Variants in SCAPER observed in about 807,000 individuals in gnomAD.
SCAPER encodes S-phase cyclin A associated protein in the ER, also known as S phase cyclin A-associated protein in the endoplasmic reticulum.
Under a neutral mutation model 182.2 loss-of-function variants are expected in SCAPER, and 98 were observed. The ratio of observed to expected loss-of-function variants is 0.54; its 90% CI spans 0.46 to 0.64. The LOEUF (loss-of-function observed/expected upper bound fraction) is 0.64. Ranked by LOEUF, SCAPER falls within the 30% of genes least tolerant of loss-of-function variation. SCAPER has a pLI of 0.00. For missense variants in SCAPER, 1,432 were observed against 1,690.0 expected (o/e 0.85, Z 2.68); for synonymous variants, 605 against 564.6 (o/e 1.07, Z -1.01).
intron 2 of SCAPER, among the ~76,000 whole-genome samples, chr15:76,877,921 A>C (rs2073281488): frequency 6.6e-6 from 1 of 152,218 alleles, no homozygotes; most frequent in South Asian, 2.1e-4. Context: ...TGAACACTGA[A>C]TTGTGGTCAT....
chr15:76,742,652 T>A (rs1437983694), intron 15 of SCAPER, among the ~76,000 whole-genome samples: 2 of 151,842 alleles, frequency 1.3e-5, no homozygotes, highest in Non-Finnish European at 2.9e-5. Context: ...GGCTGCAATA[T>A]TAATCACCAT....
At chr15:76,897,935 T>C (rs1339452141) in intron 1 of SCAPER, among the ~76,000 whole-genome samples, 1 of 151,974 alleles carries the variant, frequency 6.6e-6, no homozygotes, top group East Asian at 1.9e-4. Context: ...TACAATGTAA[T>C]AATAAACGTA....
At chr15:76,539,468 G>A (rs958526188) in intron 23 of SCAPER, among the ~76,000 whole-genome samples, 10 of 151,742 alleles carry the variant, frequency 6.6e-5, no homozygotes, top group African/African-American at 1.9e-4. Flanking sequence ...TGGGTTTTGG[G>A]CTTAACCAAC....
chr15:76,386,514 A>G (rs1489333480), intron 27 of SCAPER, among the ~76,000 whole-genome samples: 3 of 152,208 alleles, frequency 2.0e-5, no homozygotes, highest in African/African-American at 7.2e-5. Flanking sequence ...TATGTAACGT[A>G]TGGTGTGACA....
intron 22 of SCAPER, among the ~76,000 whole-genome samples, chr15:76,605,101 C>A (rs374369949): frequency 8.5e-5 from 13 of 152,076 alleles, no homozygotes; most frequent in South Asian, 4.1e-4. Flanking sequence ...GTCTTGTGCC[C>A]GTTTTCAAAG....
At chr15:76,868,841 A>C (rs1396061846) in intron 2 of SCAPER, among the ~76,000 whole-genome samples, 1 of 152,232 alleles carries the variant, frequency 6.6e-6, no homozygotes, top group Non-Finnish European at 1.5e-5. Flanking sequence ...AACCTGGGCA[A>C]AAAGAATAAA....
At chr15:76,686,456 G>A (rs1465573654) in intron 20 of SCAPER, among the ~76,000 whole-genome samples, 1 of 152,056 alleles carries the variant, frequency 6.6e-6, no homozygotes, top group African/African-American at 2.4e-5. Flanking sequence ...TACGTCACTG[G>A]TAAGAGTGCA....
intron 20 of SCAPER, among the ~76,000 whole-genome samples, chr15:76,676,880 T>C (rs2057399849): frequency 6.6e-6 from 1 of 150,796 alleles, no homozygotes; most frequent in South Asian, 2.1e-4. Flanking sequence ...AATAAATATA[T>C]ATTAATATGT....
intron 2 of SCAPER, among the ~76,000 whole-genome samples, chr15:76,875,470 C>A (rs2073073942): frequency 6.6e-6 from 1 of 152,078 alleles, no homozygotes; most frequent in South Asian, 2.1e-4. Context: ...ATGGCAAAAC[C>A]CCATCTCTGC....
chr15:76,706,102 A>G, intron 17 of SCAPER, 118 bp from the exon 18 acceptor site: 1 of 626,762 alleles, frequency 1.6e-6, no homozygotes, highest in Non-Finnish European at 2.5e-6. Flanking sequence ...CTTTTTTAAA[A>G]TATTCTTCTT....
chr15:76,617,770 G>T (rs1157324660), intron 22 of SCAPER, among the ~76,000 whole-genome samples: 1 of 152,172 alleles, frequency 6.6e-6, no homozygotes, highest in Non-Finnish European at 1.5e-5. Flanking sequence ...GCCAAAACAA[G>T]TCACAGGTCC....
rs1284696723 is a variant in SCAPER at position 76,598,282 on chromosome 15, T to C, written c.2711+23482A>G. ...CTCACGCCAGTTAGAATGGTGACCA[T>C]TAAAAAGTCAGGAAACAACGAATGC... On this transcript the variant is annotated intron_variant, in intron 22 of 31. Coordinates refer to ENST00000563290, the MANE Select transcript of SCAPER (RefSeq NM_020843.4). 1.6e-5 allele frequency among the ~76,000 whole-genome samples: 2 copies of C among 121,276 alleles called. 1 individual carries two copies. Among genetic ancestry groups the C allele is most frequent in the East Asian group, 4.4e-4 (2 of 4,518 alleles). 79.6% of individuals were successfully genotyped at this position (121,276 alleles called of 152,430 possible). A position where few individuals can be genotyped will look rare whatever the true frequency, so the allele number is the denominator to read the frequency against.
At chr15:76,488,482 T>G (rs1468021111) in intron 24 of SCAPER, among the ~76,000 whole-genome samples, 1 of 152,150 alleles carries the variant, frequency 6.6e-6, no homozygotes, top group East Asian at 1.9e-4. Flanking sequence ...GTCACTAAAC[T>G]AGTAACATGG....
intron 25 of SCAPER, among the ~76,000 whole-genome samples, chr15:76,438,195 T>C (rs1333190745): frequency 2.0e-5 from 3 of 150,678 alleles, no homozygotes; most frequent in Admixed American, 6.6e-5. Flanking sequence ...GGCAGGAGAA[T>C]TGCTTGAACC....
chr15:76,436,312 T>G (rs1420241223), intron 25 of SCAPER, among the ~76,000 whole-genome samples: 1 of 152,164 alleles, frequency 6.6e-6, no homozygotes, highest in Non-Finnish European at 1.5e-5. Flanking sequence ...AGGTGATCTG[T>G]CCACCTTGGC....
intron 10 of SCAPER, among the ~76,000 whole-genome samples, chr15:76,768,128 T>TG (rs1207389326): frequency 1.3e-5 from 2 of 152,122 alleles, no homozygotes; most frequent in Non-Finnish European, 2.9e-5. Flanking sequence ...GCAACCACTT[T>TG]GGAAAGCAGT....
At chr15:76,579,793 A>G (rs1361536990) in intron 22 of SCAPER, among the ~76,000 whole-genome samples, 1 of 152,160 alleles carries the variant, frequency 6.6e-6, no homozygotes, top group East Asian at 1.9e-4. Flanking sequence ...TTTCTCCTAT[A>G]AAGACACACA....
At chr15:76,872,326 G>C (rs1390637746) in intron 2 of SCAPER, among the ~76,000 whole-genome samples, 1 of 152,080 alleles carries the variant, frequency 6.6e-6, no homozygotes, top group African/African-American at 2.4e-5. Context: ...AAAGATAGCA[G>C]CCAAATTCTC....
intron 4 of SCAPER, among the ~76,000 whole-genome samples, chr15:76,846,559 C>T (rs1181860446): frequency 6.6e-6 from 1 of 152,062 alleles, no homozygotes; most frequent in African/African-American, 2.4e-5. Context: ...GAACATTTCT[C>T]AAGAGAAGAC....
Sources: allele counts gnomAD v4.1 joint callset (sites outside exome capture counted in the v4.1 genomes callset), GRCh38; gene constraint gnomAD v4.1.1; transcripts MANE v1.5; gene names NCBI Gene and HGNC (gene_info 2026-07-23, HGNC 2026-07-21).